DOCK2: variants seen among roughly 807,000 people sequenced by gnomAD.
DOCK2 encodes dedicator of cytokinesis 2, also known as dedicator of cytokinesis protein 2.
DOCK2 carries 87 observed loss-of-function variants against 248.9 expected under a neutral mutation model. The ratio of observed to expected loss-of-function variants is 0.35; its 90% CI spans 0.29 to 0.42. The LOEUF (loss-of-function observed/expected upper bound fraction) is 0.42, where lower values mean the gene tolerates loss of function less well. Among genes scored for constraint, DOCK2 ranks in the 10% least tolerant of loss-of-function variants. DOCK2 has a pLI of 1.00. For synonymous variants in DOCK2, 805 were observed against 821.6 expected (o/e 0.98, Z 0.35); for missense variants, 1,747 against 2,300.2 (o/e 0.76, Z 4.92).
intron 32 of DOCK2, among the ~76,000 whole-genome samples, chr5:170,009,520 G>A (rs994265264): frequency 1.3e-5 from 2 of 152,144 alleles, no homozygotes; most frequent in South Asian, 2.1e-4. Context: ...GTGCTGAAAG[G>A]ATGGATGGGT....
At chr5:170,008,097 C>T (rs73312342) in intron 30 of DOCK2, among the ~76,000 whole-genome samples, 1,545 of 152,134 alleles carry the variant, frequency 0.01, 30 homozygotes, top group African/African-American at 0.033. Flanking sequence ...TCTTACCCTT[C>T]GTCACCCTCT....
At chr5:169,874,033 T>C (rs1581334567) in intron 27 of DOCK2, among the ~76,000 whole-genome samples, 1 of 152,366 alleles carries the variant, frequency 6.6e-6, no homozygotes, top group East Asian at 1.9e-4. Flanking sequence ...AGGGAGGCTC[T>C]TGCAGAGAAT....
At chr5:169,728,091 G>A (rs978508460) in intron 22 of DOCK2, among the ~76,000 whole-genome samples, 2 of 152,152 alleles carry the variant, frequency 1.3e-5, no homozygotes, top group African/African-American at 4.8e-5. Flanking sequence ...CTAATTGAAT[G>A]TAGGAATGGA....
rs528777527 is a variant in DOCK2, at chr5:170,000,233, G to C, written c.3072+4069G>C. On this transcript the variant is annotated intron_variant, in intron 30 of 51. Transcript: ENST00000520908. Reference sequence around the variant, plus strand: ...AAGGATCTTGGAATCTTGATAGAAGGCTATACAAATCCATCTTCCAGCATC... The same window carrying C: ...AAGGATCTTGGAATCTTGATAGAAGCCTATACAAATCCATCTTCCAGCATC... The C allele has an allele frequency of 1.2e-4, 19 of 152,300 alleles. 1 individual carries two copies. The highest frequency in any genetic ancestry group is 4.1e-4 in the African/African-American group (17 of 41,566). The allele number at this position is 152,300 out of a possible 1,614,324, so 9.4% of individuals were successfully genotyped here. A position where few individuals can be genotyped will look rare whatever the true frequency, so the allele number is the denominator to read the frequency against.
chr5:170,067,812 C>T (rs1397336872), intron 45 of DOCK2, 126 bp downstream of exon 45: 1 of 1,082,702 alleles, frequency 9.2e-7, no homozygotes, highest in Non-Finnish European at 1.3e-6. Context: ...CCAGAGGGAC[C>T]CTCAGCTTGG....
At chr5:169,758,703 C>T (rs989035509) in intron 23 of DOCK2, among the ~76,000 whole-genome samples, 12 of 152,198 alleles carry the variant, frequency 7.9e-5, no homozygotes, top group African/African-American at 2.9e-4. Context: ...TAATGTTTCC[C>T]TTGCAGGGTT....
Position 169,996,099 on chromosome 5 carries a change from G to A in DOCK2, c.3007G>A (p.Ala1003Thr). 1 of 1,613,984 alleles carries A rather than the reference G, an allele frequency of 6.2e-7. No individual in the cohort carries two copies. Among genetic ancestry groups the A allele is most frequent in the Non-Finnish European group, 8.5e-7 (1 of 1,179,888 alleles). The change falls in exon 30 of 52, where the codon GCT becomes ACT. Residue 1003 changes from alanine (A) to threonine (T), a missense_variant. This residue lies in a region of DOCK2 where 858 missense variants were observed against 1,183.5 expected (regional missense o/e 0.72). Coordinates refer to ENST00000520908, the MANE Select transcript of DOCK2 (RefSeq NM_004946.3). ...SMVQNRVFLR[A>T]INKFAETMNQ... is the part of the protein sequence containing the mutation. ...GCCCTCTTCCAGGGTCTTCCTGAGA[G>A]CTATCAACAAGTTTGCAGAAACCAT...
chr5:169,885,093 G>C (rs1289710112), intron 27 of DOCK2, among the ~76,000 whole-genome samples: 1 of 152,240 alleles, frequency 6.6e-6, no homozygotes, highest in South Asian at 2.1e-4. Flanking sequence ...CAATTTCTCA[G>C]GCAGCCTTTA....
chr5:170,007,047 G>T (rs1185154722), intron 30 of DOCK2, among the ~76,000 whole-genome samples: 5 of 152,202 alleles, frequency 3.3e-5, no homozygotes, highest in East Asian at 1.9e-4. Flanking sequence ...AAATTAGATT[G>T]CTTGTTTTGC....
At chr5:169,750,982 G>A (rs1261772666) in intron 23 of DOCK2, among the ~76,000 whole-genome samples, 2 of 152,192 alleles carry the variant, frequency 1.3e-5, no homozygotes, top group East Asian at 3.8e-4. Context: ...TGGACATGTA[G>A]CCTTAGGCAC....
intron 46 of DOCK2, among the ~76,000 whole-genome samples, chr5:170,072,942 T>A (rs1757728106): frequency 6.6e-6 from 1 of 152,230 alleles, no homozygotes; most frequent in Admixed American, 6.5e-5. Context: ...ATTGCAAATA[T>A]CTTCTCTTAG....
rs750435107 is a variant in DOCK2, at chr5:170,081,929, A to T, written c.5375A>T (p.Asp1792Val). 4 of 1,614,040 alleles carry T rather than the reference A, an allele frequency of 2.5e-6. No homozygotes were observed. In the African/African-American group the frequency reaches 4.0e-5, roughly 16 times the overall value. Residue 1792 changes from aspartate (D) to valine (V), a missense_variant, in exon 51 of 52, where the codon GAT becomes GTT. Asp to Val is a radical substitution (Grantham distance 152). Transcript: ENST00000520908. Reference protein sequence around the residue: ...RLSQTFLQLSDGDKKTLTRKK... With the variant: ...RLSQTFLQLSVGDKKTLTRKK... ...AGCCAGACCTTCCTCCAACTCTCAG[A>T]TGGTGACAAGAAGACACTCACACGG...
In DOCK2 at chr5:169,803,083, C is replaced by G; in HGVS notation, c.2580C>G (p.Val860=). 6.2e-7 allele frequency: 1 copy of G among 1,614,142 alleles called. No individual in the cohort carries two copies. Residue 860 remains valine, a synonymous_variant, in exon 26 of 52, where the codon GTC becomes GTG. Coordinates refer to ENST00000520908, the MANE Select transcript of DOCK2 (RefSeq NM_004946.3). ...AATGCCGGGACATTCTGCTTCCTGT[C>G]ATCACCAAAGAGCTGAAGGAGCTGC... ...KQECRDILLP[V]ITKELKELLE...
intron 27 of DOCK2, among the ~76,000 whole-genome samples, chr5:169,872,269 C>T (rs774174393): frequency 3.0e-4 from 45 of 152,116 alleles, no homozygotes; most frequent in Admixed American, 7.2e-4. Flanking sequence ...ATGGATGCAG[C>T]GAGAGTAGTT....
rs969373407 is a variant in DOCK2 at position 169,643,995 on chromosome 5, G to A, written c.43+6626G>A. 3.9e-5 allele frequency among the ~76,000 whole-genome samples: 6 copies of A among 152,148 alleles called. No individual in the cohort carries two copies. In the East Asian group the frequency reaches 5.8e-4, roughly 15 times the overall value. ...TTCCCTGGCGGTGGCAGTCAGGGAA[G>A]GACCCTTCTAAGTAGAACGAATAGC... is the stretch of plus-strand genomic sequence containing the variant. On this transcript the variant is annotated intron_variant, in intron 1 of 51. Transcript: ENST00000520908.
rs1375093940 is a variant in DOCK2, at chr5:169,718,771, G to T, written c.2247G>T (p.Arg749=). 1.2e-6 allele frequency: 2 copies of T among 1,613,364 alleles called. No homozygotes were observed. Among genetic ancestry groups the T allele is most frequent in the African/African-American group, 1.3e-5 (1 of 74,918 alleles). ...AATATGTGTTCAAGTTCATTGTTCG[G>T]TCGAGGACATTATTTTCACAGTGAG... The part of the protein sequence containing the change: ...ALEYVFKFIV[R]SRTLFSQLYE... Residue 749 remains arginine, a synonymous_variant, in exon 22 of 52, where the codon CGG becomes CGT. Coordinates refer to ENST00000520908, the MANE Select transcript of DOCK2 (RefSeq NM_004946.3).
In DOCK2 at chr5:170,081,999, G is replaced by T. The variant is rs1758051855; in HGVS notation, c.5430+15G>T. The T allele has an allele frequency of 6.2e-7, 1 of 1,612,198 alleles. No homozygotes were observed. Among genetic ancestry groups the T allele is most frequent in the African/African-American group, 1.3e-5 (1 of 74,906 alleles). On this transcript the variant is annotated intron_variant, in intron 51 of 51. Coordinates refer to ENST00000520908, the MANE Select transcript of DOCK2 (RefSeq NM_004946.3). ...TCAAGACAATGGTGAGGACATTGAG[G>T]GTGGAAGGAAAGGAAGGCATTGGGA... is the stretch of plus-strand genomic sequence containing the variant.
chr5:170,074,590 A>G (rs529442001), intron 46 of DOCK2, among the ~76,000 whole-genome samples: 58 of 152,146 alleles, frequency 3.8e-4, no homozygotes, highest in Non-Finnish European at 6.9e-4. Flanking sequence ...TCTGCTGGCC[A>G]TTTGGGAATT....
intron 27 of DOCK2, among the ~76,000 whole-genome samples, chr5:169,891,005 C>T (rs1773249288): frequency 6.6e-6 from 1 of 152,180 alleles, no homozygotes; most frequent in South Asian, 2.1e-4. Flanking sequence ...AAACTAGTTC[C>T]ATAACTTTCA....
Sources: gnomAD v4.1 joint callset for allele counts (sites outside exome capture counted in the v4.1 genomes callset) on GRCh38, gnomAD v4.1.1 for gene constraint, gnomAD v4.1.1 regional missense constraint, MANE v1.5 for transcripts, NCBI Gene and HGNC (gene_info 2026-07-23, HGNC 2026-07-21) for gene names.